TBC1D32: variants seen among roughly 807,000 people sequenced by gnomAD.
TBC1D32 encodes protein broad-minded.
A neutral mutation model predicts 170.3 loss-of-function variants in TBC1D32; 151 were observed. The ratio of observed to expected loss-of-function variants is 0.89; its 90% confidence interval spans 0.78 to 1.01. The LOEUF (loss-of-function observed/expected upper bound fraction) is 1.01. Ranked by LOEUF, TBC1D32 falls within the 50% of genes least tolerant of loss-of-function variation. The pLI is 0.00. For missense variants in TBC1D32, 1,464 were observed against 1,457.1 expected, an observed-to-expected ratio of 1.00 and a Z score of -0.08; for synonymous variants, 498 against 488.0, an observed-to-expected ratio of 1.02 and a Z score of -0.27.
At chr6:121,304,331 G>A in intron 8 of TBC1D32, 34 bp downstream of exon 8, 2 of 1,606,190 alleles carry the variant, frequency 1.2e-6, no homozygotes, top group South Asian at 1.1e-5. Flanking sequence ...ACACCGCTAG[G>A]TTTTATGCTG....
rs202190492 is a variant in TBC1D32 at position 121,284,881 on chromosome 6, TA to T, written c.1373-972del. Among the ~76,000 whole-genome samples the T allele has an allele frequency of 1.5e-3, 229 of 152,284 alleles. 10 individuals are homozygous for T. In the East Asian group the frequency reaches 0.042, roughly 28 times the overall value. ...GTATCCTATAAAATAATAGCTTTTT[TA>T]TTAAAAGTCAATTACCTACTGAGTG... On this transcript the variant is annotated intron_variant, in intron 12 of 31. Coordinates refer to ENST00000398212, the MANE Select transcript of TBC1D32 (RefSeq NM_152730.6).
intron 22 of TBC1D32, among the ~76,000 whole-genome samples, chr6:121,184,765 C>T (rs1255275880): frequency 3.3e-5 from 5 of 151,520 alleles, no homozygotes; most frequent in Non-Finnish European, 7.4e-5. Flanking sequence ...TCTATGTTCC[C>T]TTTGTTAAAT....
At chr6:121,268,948 A>G (rs7765698) in intron 15 of TBC1D32, among the ~76,000 whole-genome samples, 150,439 of 152,258 alleles carry the variant, frequency 0.99, 74,365 homozygotes, top group East Asian at 1. Context: ...AGAGAGTAGC[A>G]GCCAATATTC....
intron 17 of TBC1D32, among the ~76,000 whole-genome samples, chr6:121,248,374 A>C (rs893966385): frequency 1.3e-5 from 2 of 152,068 alleles, no homozygotes; most frequent in Non-Finnish European, 2.9e-5. Context: ...CTGAAAGAGC[A>C]CAAATAGACA....
chr6:121,105,176 C>G (rs1448432514), intron 30 of TBC1D32, among the ~76,000 whole-genome samples: 4 of 151,818 alleles, frequency 2.6e-5, no homozygotes, highest in African/African-American at 9.7e-5. Context: ...TATCATTAAA[C>G]TTACTAATGT....
intron 15 of TBC1D32, among the ~76,000 whole-genome samples, chr6:121,277,387 T>C (rs968673851): frequency 1.1e-4 from 17 of 148,094 alleles, no homozygotes; most frequent in South Asian, 4.3e-4. Flanking sequence ...ACTTGGGAGG[T>C]TGAGGCACTA....
At chr6:121,177,795 C>G (rs1787976354) in intron 22 of TBC1D32, among the ~76,000 whole-genome samples, 1 of 152,224 alleles carries the variant, frequency 6.6e-6, no homozygotes, top group African/African-American at 2.4e-5. Context: ...AGATATCAAA[C>G]TATGGATATG....
At chr6:121,138,776 G>C (rs1023642209) in intron 24 of TBC1D32, among the ~76,000 whole-genome samples, 2 of 151,572 alleles carry the variant, frequency 1.3e-5, no homozygotes, top group African/African-American at 2.4e-5. Flanking sequence ...AATACAAAAG[G>C]CTTTTAAAAT....
At chr6:121,273,402 A>G (rs998555870) in intron 15 of TBC1D32, among the ~76,000 whole-genome samples, 4 of 151,178 alleles carry the variant, frequency 2.6e-5, no homozygotes, top group Non-Finnish European at 5.9e-5. Flanking sequence ...AGAAAACCAA[A>G]CACTGCATGT....
At chr6:121,326,379 A>G (rs1024337219) in intron 1 of TBC1D32, among the ~76,000 whole-genome samples, 7 of 152,194 alleles carry the variant, frequency 4.6e-5, no homozygotes, top group African/African-American at 1.4e-4. Context: ...GAAAGAAATG[A>G]TAAATGTCTG....
At chr6:121,261,837 G>T (rs1391426138) in intron 15 of TBC1D32, among the ~76,000 whole-genome samples, 1 of 152,072 alleles carries the variant, frequency 6.6e-6, no homozygotes, top group East Asian at 1.9e-4. Flanking sequence ...ACTTCAATGA[G>T]GTAAAGGAGC....
chr6:121,080,904 C>A lies in TBC1D32; in HGVS notation c.3655-14G>T. On this transcript the variant is annotated splice_polypyrimidine_tract_variant and intron_variant, in intron 31 of 31. Transcript: ENST00000398212. ...CAGTGCTTCTTCCTGCCAAAAATTACAAAGGGAAAATTATTTACTTGAGTA... is the reference window on the plus strand; with the variant it reads ...CAGTGCTTCTTCCTGCCAAAAATTAAAAAGGGAAAATTATTTACTTGAGTA... 6.2e-7 allele frequency: 1 copy of A among 1,603,410 alleles called. No homozygotes were observed. The highest frequency in any genetic ancestry group is 8.5e-7 in the Non-Finnish European group (1 of 1,176,794).
At chr6:121,227,351 C>T (rs1259194000) in intron 20 of TBC1D32, among the ~76,000 whole-genome samples, 1 of 151,914 alleles carries the variant, frequency 6.6e-6, no homozygotes, top group African/African-American at 2.4e-5. Context: ...AATCTGTATG[C>T]CTTCTATTTT....
In TBC1D32 at chr6:121,131,751, G is replaced by C; in HGVS notation, c.2775C>G (p.Asp925Glu). The C allele has an allele frequency of 6.3e-7, 1 of 1,580,562 alleles. No individual in the cohort carries two copies. The highest frequency in any genetic ancestry group is 8.7e-7 in the Non-Finnish European group (1 of 1,153,822). ...DITRNAGIKQ[D>E]NDLDKLLLCL... ...ATAATAAAAGCTTGTCAAGATCATT[G>C]TCTAATCAGAAAGATAACATACTAT... Residue 925 changes from aspartate (D) to glutamate (E), a missense_variant and splice_region_variant, in exon 25 of 32, where the codon GAC becomes GAG. Asp to Glu is a conservative substitution (Grantham distance 45). This residue lies in a region of TBC1D32 where 1,363 missense variants were observed against 1,338.1 expected (regional missense o/e 1.02). Coordinates refer to ENST00000398212, the MANE Select transcript of TBC1D32 (RefSeq NM_152730.6).
At chr6:121,283,360 A>T (rs970848240) in intron 13 of TBC1D32, among the ~76,000 whole-genome samples, 1 of 151,924 alleles carries the variant, frequency 6.6e-6, no homozygotes, top group African/African-American at 2.4e-5. Context: ...TTTTTCTGAA[A>T]AACATGAACG....
At chr6:121,100,072 C>A (rs758833661) in intron 30 of TBC1D32, among the ~76,000 whole-genome samples, 12 of 151,792 alleles carry the variant, frequency 7.9e-5, no homozygotes, top group Non-Finnish European at 1.6e-4. Context: ...TGTAGTTGAG[C>A]GGTTTTGAGT....
intron 21 of TBC1D32, among the ~76,000 whole-genome samples, chr6:121,215,893 A>G (rs1793760751): frequency 6.6e-6 from 1 of 152,236 alleles, no homozygotes. Flanking sequence ...ACACTTATGC[A>G]CTATTGCTGA....
chr6:121,256,277 C>A lies in TBC1D32; in HGVS notation c.1742G>T (p.Gly581Val). The A allele has an allele frequency of 3.1e-6, 5 of 1,609,330 alleles. No homozygotes were observed. The highest frequency in any genetic ancestry group is 4.2e-6 in the Non-Finnish European group (5 of 1,178,054). The stretch of plus-strand genomic sequence containing the variant: ...CGAAAACTGGGCAATTATATGAGCA[C>A]CTGTAGGACTAAAAGATGATACCTG... ...NMNSSEESPT[G>V]AHIIAQFSKK... Residue 581 changes from glycine to valine, a missense_variant, in exon 16 of 32, where the codon GGT becomes GTT. This residue lies in a region of TBC1D32 where 1,363 missense variants were observed against 1,338.1 expected (regional missense o/e 1.02). Transcript: ENST00000398212.
At chr6:121,189,183 G>A (rs1789595597) in intron 22 of TBC1D32, among the ~76,000 whole-genome samples, 1 of 151,950 alleles carries the variant, frequency 6.6e-6, no homozygotes, top group Non-Finnish European at 1.5e-5. Flanking sequence ...TTCCTTCTGG[G>A]TAAAAGATTT....
Sources: allele counts gnomAD v4.1 joint callset (sites outside exome capture counted in the v4.1 genomes callset), GRCh38; gene constraint gnomAD v4.1.1; regional missense constraint gnomAD v4.1.1; transcripts MANE v1.5; gene names NCBI Gene and HGNC (gene_info 2026-07-23, HGNC 2026-07-21).